Variants in TNRC18 observed in about 807,000 individuals in gnomAD.
TNRC18 encodes trinucleotide repeat containing 18.
TNRC18 carries 69 observed loss-of-function variants against 226.7 expected under a neutral mutation model. The ratio of observed to expected loss-of-function variants is 0.30; its 90% CI spans 0.25 to 0.37. The LOEUF (loss-of-function observed/expected upper bound fraction) is 0.37. Ranked by LOEUF, TNRC18 falls within the 10% of genes least tolerant of loss-of-function variation. The pLI is 1.00. For synonymous variants in TNRC18, 2,449 were observed against 1,927.6 expected (o/e 1.27, Z -7.09); for missense variants, 4,754 against 4,256.6 (o/e 1.12, Z -3.25).
chr7:5,350,956 A>G (rs1239015186), intron 17 of TNRC18, among the ~76,000 whole-genome samples: 1 of 152,246 alleles, frequency 6.6e-6, no homozygotes, highest in Non-Finnish European at 1.5e-5. Flanking sequence ...ACAGAAATAC[A>G]CGTGAGAAGA....
At chr7:5,375,486 C>G (rs1295484972) in intron 9 of TNRC18, among the ~76,000 whole-genome samples, 1 of 152,194 alleles carries the variant, frequency 6.6e-6, no homozygotes, top group African/African-American at 2.4e-5. Context: ...TGCCCACGAG[C>G]ACACAGCCAG....
At chr7:5,409,871 G>C in intron 2 of TNRC18, among the ~76,000 whole-genome samples, 1 of 145,500 alleles carries the variant, frequency 6.9e-6, no homozygotes, top group Non-Finnish European at 1.5e-5. Context: ...GGTGCCTGTA[G>C]TCCCAGCTAC....
At chr7:5,397,990 C>T (rs1038368048) in intron 2 of TNRC18, among the ~76,000 whole-genome samples, 5 of 152,058 alleles carry the variant, frequency 3.3e-5, no homozygotes, top group African/African-American at 1.2e-4. Context: ...TACCCAATTG[C>T]ACGAGTGTTG....
intron 16 of TNRC18, 103 bp from the exon 17 acceptor site, chr7:5,352,197 G>C (rs1791902623): frequency 1.5e-5 from 19 of 1,240,858 alleles, no homozygotes; most frequent in Admixed American, 2.8e-5. Flanking sequence ...GAAGGTGCCA[G>C]AACAAACAGG....
chr7:5,419,922 G>A (rs984032940), intron 2 of TNRC18: 3 of 158,828 alleles, frequency 1.9e-5, no homozygotes, highest in African/African-American at 7.2e-5. Flanking sequence ...GAAGAGGGGA[G>A]CATCGAGGGC....
At chr7:5,366,133 C>T (rs900120533) in intron 11 of TNRC18, among the ~76,000 whole-genome samples, 16 of 152,000 alleles carry the variant, frequency 1.1e-4, no homozygotes, top group East Asian at 3.9e-4. Context: ...ACTATTCATT[C>T]GCATCTCTGC....
In TNRC18 at chr7:5,324,968, C is replaced by T. The variant is rs1788745560; in HGVS notation, c.6300+128G>A. On this transcript the variant is annotated intron_variant, in intron 20 of 29. Transcript: ENST00000430969. The surrounding 1 kb of genome is among the most constrained non-coding windows in gnomAD (Gnocchi z 4.8). ...GGGGACGGCCACATCACCCTCGTCA[C>T]CCGCAACCTCTCTGAGCCACAGCTA... The T allele has an allele frequency of 1.7e-6, 2 of 1,160,818 alleles. No homozygotes were observed. Among genetic ancestry groups the T allele is most frequent in the Admixed American group, 3.0e-5 (1 of 33,674 alleles). The allele number at this position is 1,160,818 out of a possible 1,614,324, so 71.9% of individuals were successfully genotyped here. A position where few individuals can be genotyped will look rare whatever the true frequency, so the allele number is the denominator to read the frequency against.
chr7:5,319,340 T>C (rs1409553458), intron 24 of TNRC18, among the ~76,000 whole-genome samples: 3 of 151,196 alleles, frequency 2.0e-5, no homozygotes, highest in African/African-American at 7.3e-5. Context: ...GTGAGTGGGC[T>C]TTTTTTTTGC....
At chr7:5,418,068 C>T (rs1782300857) in intron 2 of TNRC18, among the ~76,000 whole-genome samples, 1 of 152,174 alleles carries the variant, frequency 6.6e-6, no homozygotes, top group Non-Finnish European at 1.5e-5. Flanking sequence ...ATGTACCCCT[C>T]CAGGGCCAGC....
chr7:5,326,994 C>G (rs1017808676), intron 19 of TNRC18, among the ~76,000 whole-genome samples: 6 of 151,778 alleles, frequency 4.0e-5, no homozygotes, highest in Non-Finnish European at 7.4e-5. Context: ...CATGGTGGCA[C>G]ACGCCTGTAG....
In TNRC18 at chr7:5,308,148, C is replaced by G. The variant is rs553098750; in HGVS notation, c.8865G>C (p.Thr2955=). 1.3e-6 allele frequency: 2 copies of G among 1,566,674 alleles called. No individual in the cohort carries two copies. Residue 2955 remains threonine (T), a synonymous_variant, in exon 30 of 30, where the codon ACG becomes ACC. Transcript: ENST00000430969. ...CGCCGTCCGTGGAGAAGATCATGCCCGTGGTGGGCTCGTAGGTGCCCGCGA... is the reference window on the plus strand; with the variant it reads ...CGCCGTCCGTGGAGAAGATCATGCCGGTGGTGGGCTCGTAGGTGCCCGCGA... ...YYLAGTYEPT[T]GMIFSTDGVP...
chr7:5,377,074 C>T lies in TNRC18; in HGVS notation c.2462-81G>A, dbSNP rs1779033747. 2.6e-6 allele frequency: 4 copies of T among 1,510,374 alleles called. No individual in the cohort carries two copies. The highest frequency in any genetic ancestry group is 2.5e-5 in the South Asian group (2 of 78,828). 93.6% of individuals were successfully genotyped at this position (1,510,374 alleles called of 1,614,324 possible). On this transcript the variant is annotated intron_variant, in intron 7 of 29. Transcript: ENST00000430969. The surrounding 1 kb of genome is among the most constrained non-coding windows in gnomAD (Gnocchi z 5.8). ...CTCGGGCAGCCCCAGCCCAGCACCACCTCCCAAGTCCTGAACCTCCTGGGG... is the reference window on the plus strand; with the variant it reads ...CTCGGGCAGCCCCAGCCCAGCACCATCTCCCAAGTCCTGAACCTCCTGGGG...
intron 2 of TNRC18, among the ~76,000 whole-genome samples, chr7:5,408,953 A>G (rs1392419832): frequency 6.6e-6 from 1 of 152,236 alleles, no homozygotes; most frequent in Non-Finnish European, 1.5e-5. Flanking sequence ...AACAGGAATC[A>G]GAGTGCGAAT....
intron 16 of TNRC18, among the ~76,000 whole-genome samples, chr7:5,352,742 A>G (rs1219627398): frequency 2.0e-5 from 3 of 152,220 alleles, no homozygotes; most frequent in Non-Finnish European, 2.9e-5. Flanking sequence ...GAGTCTTCAA[A>G]TCTTCCGGGG....
chr7:5,369,533 T>G (rs980066080), intron 11 of TNRC18, among the ~76,000 whole-genome samples: 12 of 151,872 alleles, frequency 7.9e-5, no homozygotes, highest in African/African-American at 2.9e-4. Context: ...AAGTCGGCCT[T>G]GAATGAGGCC....
intron 17 of TNRC18, among the ~76,000 whole-genome samples, chr7:5,349,695 A>G (rs1211961375): frequency 6.6e-6 from 1 of 152,222 alleles, no homozygotes; most frequent in African/African-American, 2.4e-5. Flanking sequence ...GTGCAGCGTG[A>G]GAGCAAATGC....
Position 5,377,677 on chromosome 7 carries a change from A to T in TNRC18, c.2256-101T>A. 7.7e-7 allele frequency: 1 copy of T among 1,301,564 alleles called. No homozygotes were observed. Among genetic ancestry groups the T allele is most frequent in the Non-Finnish European group, 1.1e-6 (1 of 941,604 alleles). The allele number at this position is 1,301,564 out of a possible 1,614,324, so 80.6% of individuals were successfully genotyped here. On this transcript the variant is annotated intron_variant, in intron 6 of 29. Coordinates refer to ENST00000430969, the MANE Select transcript of TNRC18 (RefSeq NM_001080495.3). The surrounding 1 kb of genome is among the most constrained non-coding windows in gnomAD (Gnocchi z 5.8). ...AGGAACTGTTTGCCACCAGGCCATG[A>T]GTCAGGACAACCACTGCTCGGAACT... is the stretch of plus-strand genomic sequence containing the variant.
intron 2 of TNRC18, among the ~76,000 whole-genome samples, chr7:5,417,470 A>G (rs1482823113): frequency 6.6e-6 from 1 of 152,142 alleles, no homozygotes; most frequent in East Asian, 1.9e-4. Flanking sequence ...ACCCTATCTC[A>G]AAAACAAAAC....
intron 11 of TNRC18, among the ~76,000 whole-genome samples, chr7:5,368,438 G>A (rs145413195): frequency 0.012 from 1,871 of 151,610 alleles, 43 homozygotes; most frequent in African/African-American, 0.043. Context: ...CAAGGCGGGT[G>A]GATCACTTGA....
Sources: gnomAD v4.1 joint callset for allele counts (sites outside exome capture counted in the v4.1 genomes callset) on GRCh38, gnomAD v4.1.1 for gene constraint, Gnocchi (gnomAD v3.1) non-coding constraint, MANE v1.5 for transcripts, NCBI Gene and HGNC (gene_info 2026-07-23, HGNC 2026-07-21) for gene names.